Variants in COBL observed in about 807,000 individuals in gnomAD.
COBL encodes cordon-bleu WH2 repeat protein, also known as protein cordon-bleu.
In COBL, 51 loss-of-function variants were observed where a neutral mutation model predicts 98.8. The observed-to-expected ratio is 0.52, with a 90% CI of 0.41 to 0.65. COBL has a LOEUF of 0.65. Ranked by LOEUF, COBL falls within the 30% of genes least tolerant of loss-of-function variation. The pLI is 0.00. For synonymous variants in COBL, 634 were observed against 651.7 expected, an observed-to-expected ratio of 0.97 and a Z score of 0.41; for missense variants, 1,617 against 1,617.5, an observed-to-expected ratio of 1.00 and a Z score of 0.01.
intron 5 of COBL, among the ~76,000 whole-genome samples, chr7:51,174,898 G>A (rs138537967): frequency 8.5e-5 from 13 of 152,182 alleles, no homozygotes; most frequent in South Asian, 2.1e-4. Flanking sequence ...TTTTTAGGCC[G>A]ACATATCTGG....
In COBL at chr7:51,028,342, T is replaced by C. The variant is rs1267319656; in HGVS notation, c.2754A>G (p.Pro918=). 1 of 1,614,256 alleles carries C rather than the reference T, an allele frequency of 6.2e-7. No homozygotes were observed. Among genetic ancestry groups the C allele is most frequent in the Admixed American group, 1.7e-5 (1 of 60,036 alleles). The change falls in exon 10 of 13, where the codon CCA becomes CCG. Residue 918 remains proline (P), a synonymous_variant. Transcript: ENST00000265136. ...CCTTCCATCCTTGTGTCTCTGAGTG[T>C]GGGCTGGATGTCCTGTCATCTTTCA... ...VTVKDDRTSS[P]HSETQGWKDG... is the part of the protein sequence containing the mutation.
chr7:51,086,904 A>G (rs991510307), intron 6 of COBL, among the ~76,000 whole-genome samples: 3 of 152,184 alleles, frequency 2.0e-5, no homozygotes, highest in African/African-American at 7.2e-5. Flanking sequence ...GACATAACAG[A>G]AAGTAAATAA....
chr7:51,249,357 C>T (rs1796529082), intron 1 of COBL, among the ~76,000 whole-genome samples: 1 of 152,182 alleles, frequency 6.6e-6, no homozygotes, highest in African/African-American at 2.4e-5. Context: ...GGAAATCTCT[C>T]ATCATCCTTC....
At chr7:51,148,203 T>C (rs183747682) in intron 5 of COBL, among the ~76,000 whole-genome samples, 1 of 152,284 alleles carries the variant, frequency 6.6e-6, no homozygotes, top group Admixed American at 6.5e-5. Context: ...TATTTTACTA[T>C]TTACACGTTT....
At chr7:51,050,653 G>A (rs2128896343) in intron 7 of COBL, among the ~76,000 whole-genome samples, 1 of 152,320 alleles carries the variant, frequency 6.6e-6, no homozygotes, top group East Asian at 1.9e-4. Flanking sequence ...TTGGGTACAA[G>A]TTTTGGATAA....
chr7:51,068,283 A>G (rs1792160519), intron 7 of COBL, among the ~76,000 whole-genome samples: 1 of 152,220 alleles, frequency 6.6e-6, no homozygotes, highest in African/African-American at 2.4e-5. Context: ...CCACATTTTC[A>G]CTTCACAAAG....
At chr7:51,092,331 G>A (rs748799941) in intron 6 of COBL, among the ~76,000 whole-genome samples, 13 of 152,266 alleles carry the variant, frequency 8.5e-5, no homozygotes, top group African/African-American at 3.1e-4. Context: ...AAGTGAAGTC[G>A]ACTCATTCAA....
At chr7:51,309,235 T>C (rs562778281) in intron 1 of COBL, among the ~76,000 whole-genome samples, 2 of 152,166 alleles carry the variant, frequency 1.3e-5, no homozygotes, top group Non-Finnish European at 2.9e-5. Context: ...GGGACTTGTA[T>C]GGCTGGCAGG....
In COBL at chr7:51,118,975, T is replaced by C. The variant is rs116202389; in HGVS notation, c.957+17183A>G. On this transcript the variant is annotated intron_variant, in intron 6 of 12. Coordinates refer to ENST00000265136, the MANE Select transcript of COBL (RefSeq NM_015198.5). The stretch of plus-strand genomic sequence containing the variant: ...GTCTGCAGCTCAAAATACCCAAATA[T>C]AAAATTAGTTTCCTCAGTCCCAGAG... 1.8e-3 allele frequency among the ~76,000 whole-genome samples: 272 copies of C among 152,314 alleles called. 2 individuals are homozygous for C. The highest frequency in any genetic ancestry group is 6.4e-3 in the African/African-American group (267 of 41,564).
intron 7 of COBL, chr7:51,082,953 C>T: frequency 9.7e-7 from 1 of 1,028,248 alleles, no homozygotes; most frequent in Middle Eastern, 2.0e-4. Flanking sequence ...GAAAGGCACA[C>T]ACATCCAAAG....
intron 1 of COBL, among the ~76,000 whole-genome samples, chr7:51,241,343 A>C (rs1271725206): frequency 1.3e-5 from 2 of 152,196 alleles, no homozygotes; most frequent in Non-Finnish European, 2.9e-5. Flanking sequence ...GTTATTCATG[A>C]CAACAATTCA....
At chr7:51,076,187 C>G (rs1793055594) in intron 7 of COBL, among the ~76,000 whole-genome samples, 1 of 152,234 alleles carries the variant, frequency 6.6e-6, no homozygotes, top group Non-Finnish European at 1.5e-5. Flanking sequence ...AAACAGGACT[C>G]ACAGAACTGT....
At chr7:51,086,113 T>C (rs1199193110) in intron 6 of COBL, among the ~76,000 whole-genome samples, 1 of 152,198 alleles carries the variant, frequency 6.6e-6, no homozygotes, top group African/African-American at 2.4e-5. Flanking sequence ...CTCCTCCTCA[T>C]TAGGGCGAAA....
At chr7:51,110,511 G>A (rs935423870) in intron 6 of COBL, among the ~76,000 whole-genome samples, 13 of 152,062 alleles carry the variant, frequency 8.5e-5, no homozygotes, top group African/African-American at 2.7e-4. Context: ...CCATTCATCC[G>A]CTGACGGACA....
At chr7:51,205,646 TG>T (rs1249952112) in intron 2 of COBL, among the ~76,000 whole-genome samples, 22 of 107,168 alleles carry the variant, frequency 2.1e-4, no homozygotes, top group East Asian at 1.4e-3. Flanking sequence ...TTTGGTTTTT[TG>T]TTTTTTTTTT....
In COBL at chr7:51,228,424, C is replaced by T. The variant is rs115109594; in HGVS notation, c.42-8480G>A. Among the ~76,000 whole-genome samples, 1,200 of 151,420 alleles carry T rather than the reference C, an allele frequency of 7.9e-3. 17 individuals carry two copies. Among genetic ancestry groups the T allele is most frequent in the African/African-American group, 0.027 (1,133 of 41,336 alleles). On this transcript the variant is annotated intron_variant, in intron 1 of 12. Coordinates refer to ENST00000265136, the MANE Select transcript of COBL (RefSeq NM_015198.5). ...GATTAAAAAAAAAAGAAGCAGGCCTCTTGTCTCTGCGAGGGTAGAGTAGAA... is the reference window on the plus strand; with the variant it reads ...GATTAAAAAAAAAAGAAGCAGGCCTTTTGTCTCTGCGAGGGTAGAGTAGAA...
At position 51,026,672 on chromosome 7, in the gene COBL, T is replaced by C; in HGVS notation, c.3385-7A>G. 1 of 1,612,916 alleles carries C rather than the reference T, an allele frequency of 6.2e-7. No homozygotes were observed. The highest frequency in any genetic ancestry group is 8.5e-7 in the Non-Finnish European group (1 of 1,179,358). On this transcript the variant is annotated splice_region_variant and splice_polypyrimidine_tract_variant and intron_variant, in intron 10 of 12. Transcript: ENST00000265136. ...CCCCGGTGTGTTCTGCCGTCTAGAA[T>C]ATTAACAGTGTCACACATTTCACTG...
At chr7:51,018,992 G>A (rs774843869) in intron 12 of COBL, among the ~76,000 whole-genome samples, 4 of 128,212 alleles carry the variant, frequency 3.1e-5, no homozygotes, top group Admixed American at 1.7e-4. Context: ...ACCAGCTATC[G>A]TTAGTGTTTT....
intron 8 of COBL, chr7:51,036,000 G>C (rs1008271506): frequency 2.0e-5 from 3 of 152,118 alleles, no homozygotes; most frequent in Admixed American, 6.5e-5. Flanking sequence ...TTGGTTCCAG[G>C]ATCCCCCATA....
Sources: allele counts gnomAD v4.1 joint callset (sites outside exome capture counted in the v4.1 genomes callset), GRCh38; gene constraint gnomAD v4.1.1; transcripts MANE v1.5; gene names NCBI Gene and HGNC (gene_info 2026-07-23, HGNC 2026-07-21).